The following PADI1 variants were observed in gnomAD, a reference collection of about 807,000 sequenced individuals.
PADI1 encodes the protein protein-arginine deiminase type-1.
A neutral mutation model predicts 74.8 loss-of-function variants in PADI1; 65 were observed. The ratio of observed to expected loss-of-function variants is 0.87; its 90% CI spans 0.71 to 1.07. The LOEUF is 1.07. PADI1 is among the 50% of genes least tolerant of loss of function. PADI1 has a pLI of 0.00. For synonymous variants in PADI1, 371 were observed against 336.2 expected (o/e 1.10, Z -1.13); for missense variants, 943 against 854.0 (o/e 1.10, Z -1.30).
chr1:17,221,808 C>G (rs972714891), intron 1 of PADI1, among the ~76,000 whole-genome samples: 3 of 152,182 alleles, frequency 2.0e-5, no homozygotes, highest in African/African-American at 7.2e-5. Flanking sequence ...TCAGAAGGGC[C>G]TCTTATGCTA....
chr1:17,228,002 T>C (rs192340924), intron 6 of PADI1, among the ~76,000 whole-genome samples: 70 of 152,322 alleles, frequency 4.6e-4, no homozygotes, highest in African/African-American at 1.6e-3. Flanking sequence ...ACTTTTCTTA[T>C]GTTTTAGAGA....
intron 6 of PADI1, 125 bp from the exon 7 acceptor site, chr1:17,228,500 C>T (rs1569812142): frequency 1.1e-6 from 1 of 889,612 alleles, no homozygotes; most frequent in East Asian, 2.4e-5. Flanking sequence ...ATGCAGCTTG[C>T]ACGTGGCAGA....
At chr1:17,220,012 A>T (rs901561397) in intron 1 of PADI1, among the ~76,000 whole-genome samples, 2 of 152,086 alleles carry the variant, frequency 1.3e-5, no homozygotes, top group African/African-American at 2.4e-5. Context: ...AGAGGATGAT[A>T]GTCCAGGAGA....
In PADI1 at chr1:17,208,808, C is replaced by A. The variant is rs564927733; in HGVS notation, c.92+3499C>A. Among the ~76,000 whole-genome samples the A allele has an allele frequency of 3.9e-5, 6 of 152,328 alleles. No individual in the cohort carries two copies. In the East Asian group the frequency reaches 1.2e-3, roughly 29 times the overall value. On this transcript the variant is annotated intron_variant, in intron 1 of 15. Coordinates refer to ENST00000375471, the MANE Select transcript of PADI1 (RefSeq NM_013358.3). ...GTGGGAAGTGTGAGGAATCCATCTGCGGTCCTGTGTGGCCCTCCTTGACTG... is the reference window on the plus strand; with the variant it reads ...GTGGGAAGTGTGAGGAATCCATCTGAGGTCCTGTGTGGCCCTCCTTGACTG...
chr1:17,206,732 G>C (rs1254022318), intron 1 of PADI1, among the ~76,000 whole-genome samples: 1 of 140,736 alleles, frequency 7.1e-6, no homozygotes, highest in Non-Finnish European at 1.5e-5. Context: ...TGTCACCCAG[G>C]CTGGAGTGCA....
chr1:17,210,401 C>T lies in PADI1; in HGVS notation c.92+5092C>T, dbSNP rs2977271. On this transcript the variant is annotated intron_variant, in intron 1 of 15. Coordinates refer to ENST00000375471, the MANE Select transcript of PADI1 (RefSeq NM_013358.3). ...CTTTGGGGAGAGGATCGGTGACTCA[C>T]GACTTGGACTCTAAATTCAGGGCCC... Among the ~76,000 whole-genome samples the T allele has an allele frequency of 5.1e-3, 780 of 152,092 alleles. 3 individuals carry two copies. Among genetic ancestry groups the T allele is most frequent in the Non-Finnish European group, 6.9e-3 (467 of 67,998 alleles).
intron 8 of PADI1, among the ~76,000 whole-genome samples, chr1:17,229,597 G>A (rs1459412364): frequency 1.3e-5 from 2 of 152,222 alleles, no homozygotes; most frequent in Non-Finnish European, 2.9e-5. Context: ...CCACAGTTGA[G>A]CTGGTCATAA....
At chr1:17,213,027 G>A (rs1257514157) in intron 1 of PADI1, among the ~76,000 whole-genome samples, 2 of 152,164 alleles carry the variant, frequency 1.3e-5, no homozygotes, top group South Asian at 2.1e-4. Context: ...ATCCCTGATC[G>A]TCTCCTCCTT....
rs748994474 is a variant in PADI1 at position 17,222,376 on chromosome 1, A to G, written c.179A>G (p.Lys60Arg). Residue 60 changes from lysine (K) to arginine (R), a missense_variant, in exon 2 of 16, where the codon AAA becomes AGA. Physicochemically the swap from Lys to Arg is conservative, Grantham distance 26 (BLOSUM62 2). Transcript: ENST00000375471. The part of the protein sequence containing the change: ...VFMVYNRTRV[K>R]EPIGKARWPL... ...ATGGTCTACAACCGCACACGTGTGA[A>G]AGAGCCCATAGGCAAGGCCCGTTGG... 4 of 1,613,962 alleles carry G rather than the reference A, an allele frequency of 2.5e-6. No individual in the cohort carries two copies. The highest frequency in any genetic ancestry group is 3.4e-6 in the Non-Finnish European group (4 of 1,179,922).
At chr1:17,221,585 T>C (rs1366982369) in intron 1 of PADI1, among the ~76,000 whole-genome samples, 5 of 151,932 alleles carry the variant, frequency 3.3e-5, no homozygotes, top group African/African-American at 4.8e-5. Flanking sequence ...AGGAGCTTGC[T>C]GAGAAGGTGA....
intron 1 of PADI1, among the ~76,000 whole-genome samples, chr1:17,220,209 G>A (rs769679105): frequency 2.0e-5 from 3 of 152,066 alleles, no homozygotes; most frequent in African/African-American, 4.8e-5. Flanking sequence ...TGTAAAATGG[G>A]GATTATAATC....
At chr1:17,205,452 T>G in intron 1 of PADI1, 143 bp downstream of exon 1, 1 of 705,400 alleles carries the variant, frequency 1.4e-6, no homozygotes, top group Non-Finnish European at 2.5e-6. Context: ...GGCTGTGGAG[T>G]CTGGAAGGAA....
At chr1:17,219,071 T>C (rs971045238) in intron 1 of PADI1, among the ~76,000 whole-genome samples, 9 of 152,074 alleles carry the variant, frequency 5.9e-5, no homozygotes, top group Admixed American at 2.0e-4. Flanking sequence ...CACGCATCCA[T>C]TGAGGTCAGC....
At position 17,205,222 on chromosome 1, in the gene PADI1, C is replaced by T; in HGVS notation, c.5C>T (p.Ala2Val). 1 of 1,613,750 alleles carries T rather than the reference C, an allele frequency of 6.2e-7. No individual in the cohort carries two copies. Residue 2 changes from alanine (A) to valine (V), a missense_variant, in exon 1 of 16, where the codon GCC becomes GTC. By Grantham distance (64) the Ala-to-Val change is moderately conservative. Coordinates refer to ENST00000375471, the MANE Select transcript of PADI1 (RefSeq NM_013358.3). Reference sequence around the variant, plus strand: ...GGCTGGGAGCCAGGTGACAGGATGGCCCCAAAGAGAGTTGTGCAGCTGTCC... The same window carrying T: ...GGCTGGGAGCCAGGTGACAGGATGGTCCCAAAGAGAGTTGTGCAGCTGTCC... The part of the protein sequence containing the change: M[A>V]PKRVVQLSLK...
rs200742524 is a variant in PADI1 at position 17,223,675 on chromosome 1, C to A, written c.328C>A (p.Leu110Ile). The A allele has an allele frequency of 1.9e-6, 3 of 1,613,968 alleles. No homozygotes were observed. The highest frequency in any genetic ancestry group is 2.5e-6 in the Non-Finnish European group (3 of 1,179,948). ...AGACCAAGCTCTGGGCCGCAGCGTG[C>A]TTTACCTCACTGGCGTCGGTAAGTA... ...QEDQALGRSV[L>I]YLTGVDISLE... Residue 110 changes from leucine (L) to isoleucine (I), a missense_variant, in exon 3 of 16, where the codon CTT (leucine) becomes ATT (isoleucine). By Grantham distance (5) the Leu-to-Ile change is conservative. Coordinates refer to ENST00000375471, the MANE Select transcript of PADI1 (RefSeq NM_013358.3).
intron 3 of PADI1, among the ~76,000 whole-genome samples, chr1:17,223,981 A>G (rs2072238507): frequency 6.6e-6 from 1 of 152,222 alleles, no homozygotes; most frequent in Non-Finnish European, 1.5e-5. Context: ...TTAGACCTCC[A>G]AGACCCAGCA....
At chr1:17,227,366 G>A (rs1158855290) in intron 6 of PADI1, among the ~76,000 whole-genome samples, 1 of 151,230 alleles carries the variant, frequency 6.6e-6, no homozygotes, top group East Asian at 2.0e-4. Context: ...TGGGCAACAT[G>A]GCAAAACCTT....
At chr1:17,241,412 C>A (rs2072774155) in intron 15 of PADI1, among the ~76,000 whole-genome samples, 1 of 152,228 alleles carries the variant, frequency 6.6e-6, no homozygotes, top group African/African-American at 2.4e-5. Flanking sequence ...TTTCTTCAGA[C>A]TGCGGTCTTT....
chr1:17,244,393 T>C lies in PADI1; in HGVS notation c.*150T>C, dbSNP rs1236976745. ...CACCATGGGCACCAGGACACAGGGA[T>C]GGATACCACCTACCCTCGCCTCTGG... On this transcript the variant is annotated 3_prime_UTR_variant, in exon 16 of 16. Coordinates refer to ENST00000375471, the MANE Select transcript of PADI1 (RefSeq NM_013358.3). The C allele has an allele frequency of 1.4e-6, 1 of 710,588 alleles. No homozygotes were observed. Among genetic ancestry groups the C allele is most frequent in the South Asian group, 1.5e-5 (1 of 67,184 alleles). The allele number at this position is 710,588 out of a possible 1,614,324, so 44.0% of individuals were successfully genotyped here. A position where few individuals can be genotyped will look rare whatever the true frequency, so the allele number is the denominator to read the frequency against.
Sources: gnomAD v4.1 joint callset for allele counts (sites outside exome capture counted in the v4.1 genomes callset) on GRCh38, gnomAD v4.1.1 for gene constraint, MANE v1.5 for transcripts, NCBI Gene and HGNC (gene_info 2026-07-23, HGNC 2026-07-21) for gene names.